The following GGTA1 variants were observed in gnomAD, a reference collection of about 807,000 sequenced individuals.
GGTA1 encodes the protein glycoprotein alpha-galactosyltransferase 1 (inactive), also known as inactive N-acetyllactosaminide alpha-1,3-galactosyltransferase.
A neutral mutation model predicts 2.6 loss-of-function variants in GGTA1; 5 were observed. The observed-to-expected ratio is 1.92, with a 90% CI of 1.00 to 4.04. The LOEUF (loss-of-function observed/expected upper bound fraction) is 4.04. Ranked by LOEUF, GGTA1 falls within the 30% of genes most tolerant of loss-of-function variation. GGTA1 has a pLI of 0.00. For missense variants in GGTA1, 50 were observed against 16.7 expected (o/e 2.99, Z -3.47); for synonymous variants, 17 against 5.0 (o/e 3.38, Z -3.19).
At chr9:121,489,222 C>T (rs1287030380) in intron 1 of GGTA1, among the ~76,000 whole-genome samples, 1 of 152,050 alleles carries the variant, frequency 6.6e-6, no homozygotes, top group African/African-American at 2.4e-5. Flanking sequence ...TTTTTTGAGA[C>T]AGGGTCTCAC....
chr9:121,469,973 G>A (rs544116726), intron 1 of GGTA1, among the ~76,000 whole-genome samples: 1 of 152,262 alleles, frequency 6.6e-6, no homozygotes, highest in East Asian at 1.9e-4. Flanking sequence ...CTCAATAAGG[G>A]CTCTGGCCTC....
chr9:121,461,082 A>G (rs2064957211), intron 4 of GGTA1, among the ~76,000 whole-genome samples, 170 bp downstream of exon 4: 1 of 152,186 alleles, frequency 6.6e-6, no homozygotes, highest in Non-Finnish European at 1.5e-5. Flanking sequence ...CTCAAAAACA[A>G]AACCAACCCT....
At chr9:121,496,757 A>AAAAAAAAAAAAAAAAAAAGAGAG in intron 1 of GGTA1, among the ~76,000 whole-genome samples, 1 of 111,918 alleles carries the variant, frequency 8.9e-6, no homozygotes, top group Non-Finnish European at 2.1e-5. Flanking sequence ...AAAAAAAAAA[A>AAAAAAAAAAAAAAAAAAAGAGAG]AGAGAGAGAG....
At chr9:121,459,501 G>T (rs1299266707) in intron 5 of GGTA1, among the ~76,000 whole-genome samples, 2 of 152,128 alleles carry the variant, frequency 1.3e-5, no homozygotes, top group African/African-American at 4.8e-5. Flanking sequence ...TTACTCTGAT[G>T]ATACCTCATT....
chr9:121,473,557 G>A (rs1357578618), intron 1 of GGTA1, among the ~76,000 whole-genome samples: 1 of 152,224 alleles, frequency 6.6e-6, no homozygotes, highest in South Asian at 2.1e-4. Flanking sequence ...TTCTTCCCTT[G>A]TGTGTTTGTC....
rs1287047841 is a variant in GGTA1 at position 121,465,015 on chromosome 9, AAAAC to A, written c.81-1691_81-1688del. 3.5e-3 allele frequency among the ~76,000 whole-genome samples: 531 copies of A among 151,632 alleles called. 13 individuals carry two copies. Among genetic ancestry groups the A allele is most frequent in the African/African-American group, 4.7e-3 (194 of 41,384 alleles). On this transcript the variant is annotated intron_variant, in intron 2 of 5. Coordinates refer to ENST00000481799, the MANE Select transcript of GGTA1 (RefSeq NM_001382585.1). ...AAAAAACAAAACAAACAAAAAAAAA[AAAAC>A]AAAAAACAACTCCTCCCCTTGAAGT... is the stretch of plus-strand genomic sequence containing the variant.
At chr9:121,499,507 G>A (rs1382999667) in intron 1 of GGTA1, 143 bp downstream of exon 1, 2 of 152,750 alleles carry the variant, frequency 1.3e-5, no homozygotes, top group East Asian at 1.9e-4. Flanking sequence ...ACAAAAGCAG[G>A]GACACAGGCA....
At chr9:121,464,617 AC>A (rs2064988733) in intron 2 of GGTA1, among the ~76,000 whole-genome samples, 1 of 46,444 alleles carries the variant, frequency 2.2e-5, no homozygotes, top group Non-Finnish European at 5.8e-5. Context: ...CAAAACAAAA[AC>A]AAAAACAAAA....
chr9:121,458,257 T>G (rs903362256), intron 5 of GGTA1, among the ~76,000 whole-genome samples: 2 of 152,070 alleles, frequency 1.3e-5, no homozygotes, highest in African/African-American at 4.8e-5. Flanking sequence ...ATCCAATCAT[T>G]CATTTATGCA....
rs1178526790 is a variant in GGTA1, at chr9:121,467,842, C to T, written c.80+1G>A. 2.2e-6 allele frequency: 1 copy of T among 455,656 alleles called. No homozygotes were observed. The highest frequency in any genetic ancestry group is 2.0e-5 in the African/African-American group (1 of 49,996). 28.2% of individuals were successfully genotyped at this position (455,656 alleles called of 1,614,324 possible). A position where few individuals can be genotyped will look rare whatever the true frequency, so the allele number is the denominator to read the frequency against. ...ATCACTTCATCATGTTTCATAATTA[C>T]CTGTTGATAAATTCCCAAAACACAA... On this transcript the variant is annotated splice_donor_variant, in intron 2 of 5. Transcript: ENST00000481799. LOFTEE classifies it high-confidence loss of function.
At chr9:121,450,328 G>T (rs1024607070), downstream of GGTA1, among the ~76,000 whole-genome samples, 10 of 152,108 alleles carry the variant, frequency 6.6e-5, no homozygotes, top group Middle Eastern at 3.4e-3. Flanking sequence ...ATACTGGGGT[G>T]GGGTGGCGGG....
intron 1 of GGTA1, among the ~76,000 whole-genome samples, chr9:121,474,291 T>C (rs1828459889): frequency 1.3e-5 from 2 of 152,176 alleles, no homozygotes; most frequent in Non-Finnish European, 2.9e-5. Flanking sequence ...ATCCATCCTA[T>C]GGCCCCAGAC....
intron 2 of GGTA1, among the ~76,000 whole-genome samples, chr9:121,463,705 T>TTTTG (rs2064979535): frequency 6.6e-6 from 1 of 152,074 alleles, no homozygotes; most frequent in Non-Finnish European, 1.5e-5. Context: ...TCTGTTTTGT[T>TTTTG]TTTGTTTGTT....
chr9:121,496,434 A>G (rs1309221151), intron 1 of GGTA1, among the ~76,000 whole-genome samples: 1 of 152,016 alleles, frequency 6.6e-6, no homozygotes, highest in Admixed American at 6.6e-5. Context: ...ATTCAATCGT[A>G]AAAAATAGAA....
At chr9:121,494,479 T>G (rs1034209702) in intron 1 of GGTA1, 1 of 152,254 alleles carries the variant, frequency 6.6e-6, no homozygotes, top group African/African-American at 2.4e-5. Context: ...TCACTTCTTC[T>G]TTTTAGAACT....
intron 1 of GGTA1, among the ~76,000 whole-genome samples, chr9:121,486,536 G>A (rs1031567908): frequency 1.3e-5 from 2 of 152,204 alleles, no homozygotes; most frequent in African/African-American, 4.8e-5. Flanking sequence ...CCATCTGTTG[G>A]GTGAGGGGGC....
chr9:121,492,504 G>A (rs1036149290), intron 1 of GGTA1, among the ~76,000 whole-genome samples: 3 of 151,844 alleles, frequency 2.0e-5, no homozygotes, highest in Non-Finnish European at 4.4e-5. Flanking sequence ...ACGGAGTTTC[G>A]CTCTTGTTAC....
chr9:121,458,764 A>G (rs1247084075), intron 5 of GGTA1, among the ~76,000 whole-genome samples: 1 of 152,092 alleles, frequency 6.6e-6, no homozygotes, highest in Non-Finnish European at 1.5e-5. Context: ...GCTGGTGACT[A>G]TGGTCTGTCC....
At chr9:121,490,294 TA>T (rs1201977430) in intron 1 of GGTA1, among the ~76,000 whole-genome samples, 1 of 152,190 alleles carries the variant, frequency 6.6e-6, no homozygotes, top group African/African-American at 2.4e-5. Context: ...TGAGTTTCAC[TA>T]AAGTGCTCAA....
Sources: allele counts gnomAD v4.1 joint callset (sites outside exome capture counted in the v4.1 genomes callset), GRCh38; gene constraint gnomAD v4.1.1; transcripts MANE v1.5; gene names NCBI Gene and HGNC (gene_info 2026-07-23, HGNC 2026-07-21).